ZBBX: variants seen among roughly 807,000 people sequenced by gnomAD.
ZBBX encodes zinc finger B-box domain-containing protein 1.
A neutral mutation model predicts 108.5 loss-of-function variants in ZBBX; 101 were observed. That is an observed-to-expected ratio of 0.93 (90% CI 0.79 to 1.10). ZBBX has a LOEUF of 1.10. ZBBX is among the 50% of genes least tolerant of loss of function. The pLI, the probability that ZBBX is intolerant of heterozygous loss-of-function variation, is 0.00. For synonymous variants in ZBBX, 356 were observed against 323.4 expected, an observed-to-expected ratio of 1.10 and a Z score of -1.08; for missense variants, 1,009 against 941.4, an observed-to-expected ratio of 1.07 and a Z score of -0.94.
chr3:167,226,365 G>T, the ZBBX span, among the ~76,000 whole-genome samples: 122 of 151,660 alleles, frequency 8.0e-4, no homozygotes, highest in Non-Finnish European at 1.4e-3. Flanking sequence ...CTAGACTCTC[G>T]GAAACAAATG....
chr3:167,233,312 C>T, the ZBBX span, among the ~76,000 whole-genome samples: 3 of 151,744 alleles, frequency 2.0e-5, no homozygotes, highest in African/African-American at 7.3e-5. Flanking sequence ...AATCTAGCTT[C>T]TAGAGTTAAA....
intron 11 of ZBBX, among the ~76,000 whole-genome samples, chr3:167,324,120 T>A (rs1478548630): frequency 1.3e-5 from 2 of 152,060 alleles, no homozygotes; most frequent in African/African-American, 2.4e-5. Flanking sequence ...ATATTAAATG[T>A]TAGTGATAAT....
At chr3:167,335,831 A>G (rs1739450403) in intron 9 of ZBBX, among the ~76,000 whole-genome samples, 1 of 152,018 alleles carries the variant, frequency 6.6e-6, no homozygotes, top group South Asian at 2.1e-4. Context: ...TGCTGTCTGT[A>G]TGCAAATCTG....
At chr3:167,348,338 A>G (rs1370972688) in intron 9 of ZBBX, among the ~76,000 whole-genome samples, 1 of 110,218 alleles carries the variant, frequency 9.1e-6, no homozygotes, top group African/African-American at 3.7e-5. Context: ...GAAAGAAAGA[A>G]AGAAAGAAAG....
chr3:167,382,881 A>G (rs575353187), upstream of ZBBX, among the ~76,000 whole-genome samples: 1 of 152,214 alleles, frequency 6.6e-6, no homozygotes, highest in African/African-American at 2.4e-5. Context: ...AAATAAAATA[A>G]TTTCAAAGCT....
the ZBBX span, among the ~76,000 whole-genome samples, chr3:167,220,802 T>A: frequency 6.6e-6 from 1 of 151,914 alleles, no homozygotes; most frequent in Non-Finnish European, 1.5e-5. Flanking sequence ...CTTGTTTTCA[T>A]ATAATATCAT....
intron 20 of ZBBX, among the ~76,000 whole-genome samples, chr3:167,259,229 T>C (rs1356507882): frequency 1.3e-5 from 2 of 152,210 alleles, no homozygotes; most frequent in African/African-American, 4.8e-5. Flanking sequence ...AATTTATCCA[T>C]GTATTCTAGG....
intron 20 of ZBBX, among the ~76,000 whole-genome samples, chr3:167,254,887 T>TGAGAGAGAGAGAGAAAGAGAGA (rs1723207724): frequency 7.1e-6 from 1 of 141,272 alleles, no homozygotes; most frequent in African/African-American, 2.7e-5. Flanking sequence ...TGTGTGTGTG[T>TGAGAGAGAGAGAGAAAGAGAGA]GAGAGAGAGA....
At chr3:167,243,189 A>G (rs1305174859) in intron 20 of ZBBX, among the ~76,000 whole-genome samples, 1 of 152,204 alleles carries the variant, frequency 6.6e-6, no homozygotes, top group East Asian at 1.9e-4. Context: ...GCTAAGGACA[A>G]ATACTGCAAG....
chr3:167,277,209 A>C (rs1296588241), intron 20 of ZBBX, among the ~76,000 whole-genome samples: 1 of 152,136 alleles, frequency 6.6e-6, no homozygotes, highest in Non-Finnish European at 1.5e-5. Flanking sequence ...TAACCAGCCA[A>C]CATCATAATG....
At chr3:167,340,442 C>A (rs1560150848) in intron 9 of ZBBX, among the ~76,000 whole-genome samples, 1 of 151,960 alleles carries the variant, frequency 6.6e-6, no homozygotes, top group Non-Finnish European at 1.5e-5. Context: ...TAATTTTGAA[C>A]ATCTTAATCC....
At chr3:167,299,114 A>T (rs913814360) in intron 17 of ZBBX, among the ~76,000 whole-genome samples, 1 of 152,066 alleles carries the variant, frequency 6.6e-6, no homozygotes, top group Non-Finnish European at 1.5e-5. Flanking sequence ...CTGGGATTTT[A>T]AAAAATGTGA....
At chr3:167,391,397 T>C (rs1748081211) in intron 1 of ZBBX, among the ~76,000 whole-genome samples, 1 of 152,102 alleles carries the variant, frequency 6.6e-6, no homozygotes, top group Non-Finnish European at 1.5e-5. Flanking sequence ...CAGTATTTTA[T>C]TGAGGATTTT....
intron 15 of ZBBX, among the ~76,000 whole-genome samples, chr3:167,315,171 G>A (rs1735231040): frequency 6.6e-6 from 1 of 152,232 alleles, no homozygotes; most frequent in South Asian, 2.1e-4. Context: ...TTCAACAGCA[G>A]AAAGTAACTG....
chr3:167,210,597 C>T, the ZBBX span, among the ~76,000 whole-genome samples: 29 of 151,924 alleles, frequency 1.9e-4, no homozygotes, highest in Non-Finnish European at 3.1e-4. Context: ...AAGAAGACTA[C>T]GTCAAAATAT....
rs139751781 is a variant in ZBBX, at chr3:167,366,897, A to C, written c.183-921T>G. On this transcript the variant is annotated intron_variant, in intron 5 of 21. Coordinates refer to ENST00000675490, the MANE Select transcript of ZBBX (RefSeq NM_001199201.2). ...AATTGGCCACTGGGTCATTAAAAGC[A>C]GCAAGACACATAATAAACTTTGTCA... 4.9e-3 allele frequency: 2,227 copies of C among 456,190 alleles called. 81 individuals are homozygous for C. In the Admixed American group the frequency reaches 0.049, roughly 10 times the overall value. The allele number at this position is 456,190 out of a possible 1,614,324, so 28.3% of individuals were successfully genotyped here. A position where few individuals can be genotyped will look rare whatever the true frequency, so the allele number is the denominator to read the frequency against.
intron 1 of ZBBX, among the ~76,000 whole-genome samples, chr3:167,398,074 T>A (rs1423288225): frequency 2.0e-5 from 3 of 151,414 alleles, no homozygotes; most frequent in Non-Finnish European, 4.4e-5. Flanking sequence ...TGCTACAAGA[T>A]GAGAAAAAAA....
chr3:167,282,570 G>C, intron 19 of ZBBX, 75 bp from the exon 20 acceptor site: 1 of 1,280,860 alleles, frequency 7.8e-7, no homozygotes. Context: ...CAAAATACCA[G>C]GTCCCTGCAC....
chr3:167,252,792 C>T (rs1012009477), intron 20 of ZBBX, among the ~76,000 whole-genome samples: 4 of 151,634 alleles, frequency 2.6e-5, no homozygotes, highest in Admixed American at 6.6e-5. Context: ...CACATAGGAA[C>T]AAAGATAATT....
Sources: allele counts gnomAD v4.1 joint callset (sites outside exome capture counted in the v4.1 genomes callset), GRCh38; gene constraint gnomAD v4.1.1; transcripts MANE v1.5; gene names NCBI Gene and HGNC (gene_info 2026-07-23, HGNC 2026-07-21).